The following TRIM24 variants were observed in gnomAD, a reference collection of about 807,000 sequenced individuals.
TRIM24 encodes the protein transcription intermediary factor 1-alpha.
A neutral mutation model predicts 123.9 loss-of-function variants in TRIM24; 29 were observed. The ratio of observed to expected loss-of-function variants is 0.23; its 90% confidence interval spans 0.17 to 0.32. TRIM24 has a LOEUF of 0.32. Ranked by LOEUF, TRIM24 falls within the 10% of genes least tolerant of loss-of-function variation. The probability of loss-of-function intolerance (pLI) is 1.00; values close to 1 mark genes in which losing one functional copy is unlikely to be tolerated. For synonymous variants in TRIM24, 456 were observed against 461.1 expected, an observed-to-expected ratio of 0.99 and a Z score of 0.14; for missense variants, 932 against 1,295.3, an observed-to-expected ratio of 0.72 and a Z score of 4.31.
chr7:138,481,211 C>CA (rs1795519411), intron 1 of TRIM24, among the ~76,000 whole-genome samples: 1 of 151,956 alleles, frequency 6.6e-6, no homozygotes, highest in Non-Finnish European at 1.5e-5. Context: ...GGGCTGGTCT[C>CA]AAACTCCCGA....
Position 138,579,538 on chromosome 7 carries a change from A to T in TRIM24, c.2585+6A>T, listed in dbSNP as rs777307930. 1 of 1,579,268 alleles carries T rather than the reference A, an allele frequency of 6.3e-7. No individual in the cohort carries two copies. The highest frequency in any genetic ancestry group is 8.6e-7 in the Non-Finnish European group (1 of 1,159,556). On this transcript the variant is annotated splice_donor_region_variant and intron_variant, in intron 15 of 18. Transcript: ENST00000343526. Reference sequence around the variant, plus strand: ...ACATTGACAAATTTTCCAAGGTAAGATAGTACTTCCCTTCCCACATTCTTT... The same window carrying T: ...ACATTGACAAATTTTCCAAGGTAAGTTAGTACTTCCCTTCCCACATTCTTT...
At chr7:138,568,871 C>T (rs148300984) in intron 10 of TRIM24, among the ~76,000 whole-genome samples, 1 of 152,242 alleles carries the variant, frequency 6.6e-6, no homozygotes, top group Non-Finnish European at 1.5e-5. Context: ...AATTCTATAA[C>T]ATCCATTTTA....
rs1554436585 is a variant in TRIM24 at position 138,508,678 on chromosome 7, T to TGTGTGC, written c.483+4275_483+4276insCGTGTG. On this transcript the variant is annotated intron_variant, in intron 2 of 18. Coordinates refer to ENST00000343526, the MANE Select transcript of TRIM24 (RefSeq NM_015905.3). ...AATAAGAGGAGTGTGTGTGTGTGTG[T>TGTGTGC]GTGTGTGTGTGTGTGCGCGCGCGTG... Among the ~76,000 whole-genome samples the TGTGTGC allele has an allele frequency of 1.1e-3, 55 of 51,278 alleles. No homozygotes were observed. In the South Asian group the frequency reaches 0.015, roughly 14 times the overall value. 33.6% of individuals were successfully genotyped at this position (51,278 alleles called of 152,430 possible).
chr7:138,530,749 T>C (rs1015411336), intron 6 of TRIM24, among the ~76,000 whole-genome samples: 1 of 151,968 alleles, frequency 6.6e-6, no homozygotes, highest in Non-Finnish European at 1.5e-5. Context: ...ATTACAGGTA[T>C]GAGCTACCCA....
intron 2 of TRIM24, among the ~76,000 whole-genome samples, chr7:138,512,179 C>G (rs962974586): frequency 6.6e-6 from 1 of 152,134 alleles, no homozygotes; most frequent in South Asian, 2.1e-4. Context: ...CTGTACCTAC[C>G]CCTGTGGCTT....
At chr7:138,571,376 A>C (rs776033080) in intron 11 of TRIM24, among the ~76,000 whole-genome samples, 16 of 152,224 alleles carry the variant, frequency 1.1e-4, no homozygotes, top group Non-Finnish European at 2.1e-4. Flanking sequence ...TGTTTTTACA[A>C]GTTAATTTTA....
At chr7:138,518,359 T>C (rs908562934) in intron 3 of TRIM24, among the ~76,000 whole-genome samples, 4 of 152,170 alleles carry the variant, frequency 2.6e-5, no homozygotes, top group African/African-American at 9.7e-5. Context: ...ATAGTAATTA[T>C]CTCTGGAGGT....
chr7:138,527,521 G>A (rs184912791), intron 5 of TRIM24, among the ~76,000 whole-genome samples: 1 of 152,128 alleles, frequency 6.6e-6, no homozygotes, highest in Admixed American at 6.5e-5. Flanking sequence ...TGACTTTTTT[G>A]AGATTGGTTG....
At chr7:138,476,289 GA>G (rs1003662033) in intron 1 of TRIM24, among the ~76,000 whole-genome samples, 58 of 152,206 alleles carry the variant, frequency 3.8e-4, no homozygotes, top group African/African-American at 1.2e-3. Flanking sequence ...GAGGTACAAA[GA>G]AAACTCTTAA....
chr7:138,481,285 T>G (rs1795521629), intron 1 of TRIM24, among the ~76,000 whole-genome samples: 1 of 151,850 alleles, frequency 6.6e-6, no homozygotes, highest in South Asian at 2.1e-4. Flanking sequence ...TTGATCTTGT[T>G]GTGTTGTCCA....
chr7:138,504,770 T>C (rs549924698), intron 2 of TRIM24, among the ~76,000 whole-genome samples: 5 of 146,554 alleles, frequency 3.4e-5, no homozygotes, highest in African/African-American at 1.3e-4. Context: ...TCTTTTTTTT[T>C]TTTTAATTGA....
At chr7:138,480,655 G>A (rs533116229) in intron 1 of TRIM24, among the ~76,000 whole-genome samples, 3 of 152,090 alleles carry the variant, frequency 2.0e-5, no homozygotes, top group African/African-American at 4.8e-5. Context: ...TTTTAAATAC[G>A]GTAAGGCAGA....
At chr7:138,583,481 A>G (rs1268848593) in intron 17 of TRIM24, among the ~76,000 whole-genome samples, 1 of 152,148 alleles carries the variant, frequency 6.6e-6, no homozygotes, top group Non-Finnish European at 1.5e-5. Context: ...TTAGCCGGCT[A>G]TGTTAGCGCA....
Position 138,589,777 on chromosome 7 carries a change from T to G in TRIM24, c.*4826T>G, listed in dbSNP as rs577057451. 6.6e-6 allele frequency: 1 copy of G among 152,218 alleles called. No homozygotes were observed. The highest frequency in any genetic ancestry group is 1.5e-5 in the Non-Finnish European group (1 of 68,048). 9.4% of individuals were successfully genotyped at this position (152,218 alleles called of 1,614,324 possible). A position where few individuals can be genotyped will look rare whatever the true frequency, so the allele number is the denominator to read the frequency against. On this transcript the variant is annotated 3_prime_UTR_variant, in exon 19 of 19. Transcript: ENST00000343526. ...TTGGAAGTCATTTTAAAAATTTAGC[T>G]ATGTTAATTCCACTTGTAAAGTTTG...
chr7:138,529,803 GTGT>G (rs1796691381), intron 6 of TRIM24, among the ~76,000 whole-genome samples: 1 of 152,078 alleles, frequency 6.6e-6, no homozygotes, highest in African/African-American at 2.4e-5. Context: ...TCCAAACTTG[GTGT>G]TTGACTTCAA....
At position 138,538,774 on chromosome 7, in the gene TRIM24, A is replaced by G; in HGVS notation, c.1114A>G (p.Ser372Gly). The stretch of plus-strand genomic sequence containing the variant: ...TAAATGGGCAGTTTCCAGTGGCAGC[A>G]GTACAGCATTACTTTATAGCAAACG... ...FSKWAVSSGS[S>G]TALLYSKRLI... The change falls in exon 7 of 19, where the codon AGT (serine) becomes GGT (glycine). Residue 372 changes from serine (S) to glycine (G), a missense_variant. Coordinates refer to ENST00000343526, the MANE Select transcript of TRIM24 (RefSeq NM_015905.3). 1 of 1,614,096 alleles carries G rather than the reference A, an allele frequency of 6.2e-7. No homozygotes were observed. The highest frequency in any genetic ancestry group is 2.2e-5 in the East Asian group (1 of 44,874).
chr7:138,489,295 C>T (rs189320601), intron 1 of TRIM24, among the ~76,000 whole-genome samples: 1 of 152,264 alleles, frequency 6.6e-6, no homozygotes, highest in Admixed American at 6.5e-5. Context: ...TCTTGACTCT[C>T]GATCCAATTT....
chr7:138,471,791 T>C (rs1795278570), intron 1 of TRIM24, among the ~76,000 whole-genome samples: 1 of 152,206 alleles, frequency 6.6e-6, no homozygotes, highest in Non-Finnish European at 1.5e-5. Flanking sequence ...TCCGCCTGCC[T>C]CAGCCTCTCA....
intron 7 of TRIM24, chr7:138,545,546 G>T (rs1249300087): frequency 4.4e-6 from 2 of 456,464 alleles, no homozygotes; most frequent in East Asian, 1.4e-4. Flanking sequence ...GTACAAGTAT[G>T]AACTTAGAGT....
Sources: allele counts gnomAD v4.1 joint callset (sites outside exome capture counted in the v4.1 genomes callset), GRCh38; gene constraint gnomAD v4.1.1; transcripts MANE v1.5; gene names NCBI Gene and HGNC (gene_info 2026-07-23, HGNC 2026-07-21).